The following WDR72 variants were observed in gnomAD, a reference collection of about 807,000 sequenced individuals.
The protein encoded by WDR72 is WD repeat-containing protein 72.
WDR72 carries 120 observed loss-of-function variants against 124.2 expected under a neutral mutation model. The ratio of observed to expected loss-of-function variants is 0.97; its 90% CI spans 0.83 to 1.12. The LOEUF is 1.12. WDR72 is among the 50% of genes most tolerant of loss of function. The pLI, the probability that WDR72 is intolerant of heterozygous loss-of-function variation, is 0.00. For missense variants in WDR72, 1,387 were observed against 1,278.8 expected, an observed-to-expected ratio of 1.08 and a Z score of -1.29; for synonymous variants, 452 against 441.7, an observed-to-expected ratio of 1.02 and a Z score of -0.29.
chr15:53,524,285 C>T (rs953521), intron 18 of WDR72, among the ~76,000 whole-genome samples: 28,047 of 152,104 alleles, frequency 0.18, 2,875 homozygotes, highest in South Asian at 0.27. Context: ...ATAAACACGA[C>T]TACTGATTTG....
chr15:53,644,148 G>T (rs952281934), intron 14 of WDR72, among the ~76,000 whole-genome samples: 1 of 151,382 alleles, frequency 6.6e-6, no homozygotes, highest in Non-Finnish European at 1.5e-5. Flanking sequence ...TATTTGAGAG[G>T]GTATCCATAT....
In WDR72 at chr15:53,630,856, C is replaced by T. The variant is rs548899536; in HGVS notation, c.1963-14613G>A. ...TTAACATTGTACTAGACGTCCTGGA[C>T]GGGGTGATTAAGAAAGAAAAATAAG... is the stretch of plus-strand genomic sequence containing the variant. On this transcript the variant is annotated intron_variant, in intron 14 of 19. Transcript: ENST00000360509. 3.4e-4 allele frequency among the ~76,000 whole-genome samples: 51 copies of T among 151,852 alleles called. 1 individual carries two copies. Among genetic ancestry groups the T allele is most frequent in the Admixed American group, 1.3e-3 (20 of 15,256 alleles).
At chr15:53,548,662 G>A (rs567856812) in intron 18 of WDR72, among the ~76,000 whole-genome samples, 68 of 149,582 alleles carry the variant, frequency 4.5e-4, no homozygotes, top group Middle Eastern at 3.4e-3. Context: ...TTTTTTTGGT[G>A]GGGGTTGAGG....
rs1400679028 is a variant in WDR72 at position 53,589,556 on chromosome 15, G to T, written c.3148+7523C>A. On this transcript the variant is annotated intron_variant, in intron 18 of 19. Transcript: ENST00000360509. Reference sequence around the variant, plus strand: ...TTGAAGGGTCAGTGTCGGGAGGTCAGTCTCAGCTTCGGAAACAATAGTGCA... The same window carrying T: ...TTGAAGGGTCAGTGTCGGGAGGTCATTCTCAGCTTCGGAAACAATAGTGCA... Among the ~76,000 whole-genome samples, 8 of 150,060 alleles carry T rather than the reference G, an allele frequency of 5.3e-5. No homozygotes were observed. In the East Asian group the frequency reaches 1.6e-3, roughly 29 times the overall value.
intron 13 of WDR72, among the ~76,000 whole-genome samples, chr15:53,687,518 G>A (rs1192006821): frequency 2.2e-4 from 34 of 151,500 alleles, no homozygotes; most frequent in African/African-American, 7.5e-4. Flanking sequence ...CCAGGAAGAA[G>A]TTGAATCTCT....
chr15:53,612,117 CTA>C (rs2013565482), intron 16 of WDR72, among the ~76,000 whole-genome samples: 1 of 152,140 alleles, frequency 6.6e-6, no homozygotes, highest in Non-Finnish European at 1.5e-5. Flanking sequence ...TCTCAGCCAT[CTA>C]TCTTATTTAT....
Position 53,705,164 on chromosome 15 carries a change from A to G in WDR72, c.1172T>C (p.Ile391Thr), listed in dbSNP as rs2017313722. 1 of 1,614,110 alleles carries G rather than the reference A, an allele frequency of 6.2e-7. No homozygotes were observed. Among genetic ancestry groups the G allele is most frequent in the Middle Eastern group, 1.7e-4 (1 of 6,060 alleles). The part of the protein sequence containing the change: ...FDKHDTMSQS[I>T]IDYFSGLKDG... ...TTTAAGCCCAGAGAAATAGTCAATA[A>G]TACTTTGTGACATAGTATCATGCTT... is the stretch of plus-strand genomic sequence containing the variant. Residue 391 changes from isoleucine to threonine, a missense_variant, in exon 11 of 20, where the codon ATT becomes ACT. By Grantham distance (89) the Ile-to-Thr change is moderately conservative. Coordinates refer to ENST00000360509, the MANE Select transcript of WDR72 (RefSeq NM_182758.4).
chr15:53,574,526 A>G (rs1056347242), intron 18 of WDR72, among the ~76,000 whole-genome samples: 3 of 152,202 alleles, frequency 2.0e-5, no homozygotes, highest in African/African-American at 7.2e-5. Context: ...AATATGTAAA[A>G]TATGTATCTC....
chr15:53,559,479 T>C (rs890405741), intron 18 of WDR72, among the ~76,000 whole-genome samples: 1 of 152,028 alleles, frequency 6.6e-6, no homozygotes, highest in Non-Finnish European at 1.5e-5. Context: ...CCTTGCCCTG[T>C]CATTGACCTC....
intron 4 of WDR72, among the ~76,000 whole-genome samples, chr15:53,715,678 C>A (rs916063487): frequency 1.3e-5 from 2 of 152,008 alleles, no homozygotes; most frequent in Non-Finnish European, 2.9e-5. Context: ...ACAACAGGAC[C>A]AGGCACAGTG....
chr15:53,637,007 C>T (rs1346592288), intron 14 of WDR72, among the ~76,000 whole-genome samples: 1 of 152,176 alleles, frequency 6.6e-6, no homozygotes, highest in African/African-American at 2.4e-5. Context: ...ATCCCTTGCT[C>T]TCATTTCCCA....
At chr15:53,529,995 A>T (rs1189797523) in intron 18 of WDR72, among the ~76,000 whole-genome samples, 1 of 151,796 alleles carries the variant, frequency 6.6e-6, no homozygotes, top group East Asian at 2.0e-4. Flanking sequence ...AAGAGTTCCC[A>T]CTGGGAGGTT....
rs187262153 is a variant in WDR72, at chr15:53,540,971, G to A, written c.3149-17649C>T. ...ACGGCGCACCACGAGATTGTATCCCGCACCTGGCTCGGAGGGTCCTACGCC... is the reference window on the plus strand; with the variant it reads ...ACGGCGCACCACGAGATTGTATCCCACACCTGGCTCGGAGGGTCCTACGCC... On this transcript the variant is annotated intron_variant, in intron 18 of 19. Coordinates refer to ENST00000360509, the MANE Select transcript of WDR72 (RefSeq NM_182758.4). 21 of 157,030 alleles carry A rather than the reference G, an allele frequency of 1.3e-4. No homozygotes were observed. In the East Asian group the frequency reaches 2.6e-3, roughly 20 times the overall value. 9.7% of individuals were successfully genotyped at this position (157,030 alleles called of 1,614,324 possible).
chr15:53,633,633 A>T (rs1025844101), intron 14 of WDR72, among the ~76,000 whole-genome samples: 12 of 152,230 alleles, frequency 7.9e-5, no homozygotes, highest in African/African-American at 2.9e-4. Context: ...CTCTGGATAT[A>T]ATTATAAAGA....
At chr15:53,634,475 A>G (rs2014551155) in intron 14 of WDR72, among the ~76,000 whole-genome samples, 1 of 152,144 alleles carries the variant, frequency 6.6e-6, no homozygotes, top group South Asian at 2.1e-4. Flanking sequence ...ATATACTAAC[A>G]CTAATGATAG....
intron 18 of WDR72, among the ~76,000 whole-genome samples, chr15:53,533,079 C>T (rs969758442): frequency 6.6e-6 from 1 of 152,080 alleles, no homozygotes; most frequent in Non-Finnish European, 1.5e-5. Context: ...ACGAGCAACA[C>T]AATCAACCAA....
intron 18 of WDR72, among the ~76,000 whole-genome samples, chr15:53,552,325 T>C (rs1893765085): frequency 6.6e-6 from 1 of 152,186 alleles, no homozygotes. Flanking sequence ...ACTTGTTTAC[T>C]AGCTTGTCAA....
intron 11 of WDR72, 66 bp downstream of exon 11, chr15:53,704,922 G>A: frequency 6.3e-7 from 1 of 1,580,742 alleles, no homozygotes; most frequent in Non-Finnish European, 8.6e-7. Flanking sequence ...ATCTTGTTTA[G>A]TGCAGTCTGT....
Position 53,523,289 on chromosome 15 carries a change from G to C in WDR72, c.3182C>G (p.Ser1061Ter). Residue 1061 changes from serine to a stop codon, truncating the protein, a stop_gained, in exon 19 of 20, where the codon TCA becomes TGA. Transcript: ENST00000360509. LOFTEE classifies it high-confidence loss of function. ...PVSPVKHDSN[S>*]NSANFQDVED... ...CACGTCTTGGAAGTTTGCCGAGTTTGAGTTGCTGTCATGCTTGACCGGGCT... is the reference window on the plus strand; with the variant it reads ...CACGTCTTGGAAGTTTGCCGAGTTTCAGTTGCTGTCATGCTTGACCGGGCT... The C allele has an allele frequency of 6.2e-7, 1 of 1,612,994 alleles. No homozygotes were observed. The highest frequency in any genetic ancestry group is 8.5e-7 in the Non-Finnish European group (1 of 1,179,402).
Sources: allele counts gnomAD v4.1 joint callset (sites outside exome capture counted in the v4.1 genomes callset), GRCh38; gene constraint gnomAD v4.1.1; transcripts MANE v1.5; gene names NCBI Gene and HGNC (gene_info 2026-07-23, HGNC 2026-07-21).